The following RUFY3 variants were observed in gnomAD, a reference collection of about 807,000 sequenced individuals.
RUFY3 encodes RUN and FYVE domain containing 3, also known as protein RUFY3.
Under a neutral mutation model 84.0 loss-of-function variants are expected in RUFY3, and 34 were observed. The ratio of observed to expected loss-of-function variants is 0.40; its 90% CI spans 0.31 to 0.54. RUFY3 has a LOEUF of 0.54. Among genes scored for constraint, RUFY3 ranks in the 20% least tolerant of loss-of-function variants. The pLI is 0.39. For synonymous variants in RUFY3, 242 were observed against 252.9 expected (o/e 0.96, Z 0.41); for missense variants, 507 against 736.8 (o/e 0.69, Z 3.61).
chr4:70,733,930 CTT>C (rs1719867192), intron 1 of RUFY3, among the ~76,000 whole-genome samples: 1 of 152,038 alleles, frequency 6.6e-6, no homozygotes, highest in South Asian at 2.1e-4. Flanking sequence ...AAGGAAAAAT[CTT>C]TATGAAAATT....
chr4:70,732,168 TCA>T (rs1186444603), intron 1 of RUFY3, among the ~76,000 whole-genome samples: 1 of 152,248 alleles, frequency 6.6e-6, no homozygotes, highest in African/African-American at 2.4e-5. Flanking sequence ...CTAACAGATC[TCA>T]CACCTTTCAT....
intron 7 of RUFY3, among the ~76,000 whole-genome samples, chr4:70,777,718 G>A (rs139557058): frequency 3.7e-3 from 556 of 152,242 alleles, no homozygotes; most frequent in African/African-American, 0.013. Flanking sequence ...AACATAAAGG[G>A]TTGTTGAAAG....
chr4:70,744,358 T>TTATGTATGTATG (rs113177648), intron 1 of RUFY3, among the ~76,000 whole-genome samples: 290 of 150,738 alleles, frequency 1.9e-3, no homozygotes, highest in South Asian at 4.7e-3. Context: ...TGGCTAATTT[T>TTATGTATGTATG]TATGTATGTA....
chr4:70,778,939 C>T (rs1728443442), intron 8 of RUFY3, among the ~76,000 whole-genome samples: 1 of 152,116 alleles, frequency 6.6e-6, no homozygotes, highest in South Asian at 2.1e-4. Context: ...TCTCATTTAC[C>T]CAATTAGACT....
chr4:70,768,796 G>T lies in RUFY3; in HGVS notation c.696+135G>T. On this transcript the variant is annotated intron_variant, in intron 5 of 17. Coordinates refer to ENST00000381006, the MANE Select transcript of RUFY3 (RefSeq NM_001037442.4). ...AACAGGATTTCCTTCCATTTTGATG[G>T]GAATATAAAAAAAAGATTGTTTTTC... is the stretch of plus-strand genomic sequence containing the variant. The T allele has an allele frequency of 1.2e-5, 10 of 815,042 alleles. No homozygotes were observed. The South Asian group carries it at 1.3e-4, about 11-fold the overall frequency. The allele number at this position is 815,042 out of a possible 1,614,324, so 50.5% of individuals were successfully genotyped here. A position where few individuals can be genotyped will look rare whatever the true frequency, so the allele number is the denominator to read the frequency against.
chr4:70,792,313 T>A, intron 12 of RUFY3: 2 of 977,394 alleles, frequency 2.0e-6, no homozygotes, highest in Non-Finnish European at 2.4e-6. Flanking sequence ...TCTGGGAAGC[T>A]AATAATTGAA....
At chr4:70,803,136 A>C (rs1018432429) in intron 16 of RUFY3, 153 bp downstream of exon 16, 6 of 536,948 alleles carry the variant, frequency 1.1e-5, no homozygotes, top group Non-Finnish European at 2.0e-5. Flanking sequence ...TATTGCCTGA[A>C]GCTCACACAG....
At chr4:70,774,097 C>A (rs1727432405) in intron 6 of RUFY3, among the ~76,000 whole-genome samples, 1 of 152,042 alleles carries the variant, frequency 6.6e-6, no homozygotes, top group Admixed American at 6.6e-5. Flanking sequence ...CACATCTATT[C>A]TTTTTATAAA....
intron 12 of RUFY3, chr4:70,791,308 G>T (rs1022916946): frequency 1.9e-5 from 30 of 1,612,868 alleles, no homozygotes; most frequent in Non-Finnish European, 2.5e-5. Flanking sequence ...GCATTTTTAA[G>T]TTGGTCACGT....
At chr4:70,712,080 A>C (rs1741061312) in intron 1 of RUFY3, among the ~76,000 whole-genome samples, 1 of 152,174 alleles carries the variant, frequency 6.6e-6, no homozygotes, top group South Asian at 2.1e-4. Context: ...CTTTGTAGAC[A>C]GAGTTTTCTT....
intron 12 of RUFY3, chr4:70,793,062 T>C: frequency 1.0e-6 from 1 of 985,412 alleles, no homozygotes; most frequent in Non-Finnish European, 1.2e-6. Flanking sequence ...CATGCTTCTC[T>C]ATAGGTGCAA....
At chr4:70,791,132 T>G in intron 12 of RUFY3, 2 of 997,754 alleles carry the variant, frequency 2.0e-6, no homozygotes, top group Non-Finnish European at 3.1e-6. Context: ...TCTTTGAGTA[T>G]TAAGCTGACT....
chr4:70,775,663 G>A (rs992859869), intron 7 of RUFY3, among the ~76,000 whole-genome samples: 2 of 151,896 alleles, frequency 1.3e-5, no homozygotes, highest in African/African-American at 4.8e-5. Flanking sequence ...TAATCATATC[G>A]TCCAGGTGTG....
intron 1 of RUFY3, among the ~76,000 whole-genome samples, chr4:70,753,798 A>G (rs1456540579): frequency 1.3e-5 from 2 of 152,168 alleles, no homozygotes; most frequent in African/African-American, 2.4e-5. Context: ...ATATGTCATT[A>G]TGACTATTAT....
At position 70,722,428 on chromosome 4, in the gene RUFY3, T is replaced by A. The variant is rs1280241834; in HGVS notation, c.-146T>A. On this transcript the variant is annotated 5_prime_UTR_variant, in exon 1 of 18. Transcript: ENST00000381006. ...AGGTATTTTTCCTTTTTTTTTTTTTTAAACCTCCCCCACCCTTTTCCTGAA... is the reference window on the plus strand; with the variant it reads ...AGGTATTTTTCCTTTTTTTTTTTTTAAAACCTCCCCCACCCTTTTCCTGAA... The A allele has an allele frequency of 2.4e-5, 32 of 1,318,030 alleles. No individual in the cohort carries two copies. Among genetic ancestry groups the A allele is most frequent in the Middle Eastern group, 5.8e-4 (2 of 3,452 alleles). The allele number at this position is 1,318,030 out of a possible 1,614,324, so 81.6% of individuals were successfully genotyped here.
chr4:70,792,801 T>C (rs1413402500), intron 12 of RUFY3: 1 of 985,254 alleles, frequency 1.0e-6, no homozygotes, highest in Admixed American at 6.2e-5. Flanking sequence ...AAAGAACATA[T>C]GTTTAGACCA....
chr4:70,729,959 A>C (rs6446754), intron 1 of RUFY3, among the ~76,000 whole-genome samples: 12,448 of 125,704 alleles, frequency 0.099, 1,210 homozygotes, highest in African/African-American at 0.26. Context: ...TTTGAGATGG[A>C]GTCTCGCTCT....
At chr4:70,734,741 A>C (rs1720010151) in intron 1 of RUFY3, 1 of 185,604 alleles carries the variant, frequency 5.4e-6, no homozygotes, top group Admixed American at 6.5e-5. Flanking sequence ...CATACTCTGC[A>C]TAAAATCAGC....
At chr4:70,718,599 CTG>C (rs777947436), upstream of RUFY3, among the ~76,000 whole-genome samples, 4 of 152,036 alleles carry the variant, frequency 2.6e-5, no homozygotes, top group Non-Finnish European at 4.4e-5. Flanking sequence ...AGTAATTACT[CTG>C]TATGTGAGAA....
Sources: gnomAD v4.1 joint callset for allele counts (sites outside exome capture counted in the v4.1 genomes callset) on GRCh38, gnomAD v4.1.1 for gene constraint, MANE v1.5 for transcripts, NCBI Gene and HGNC (gene_info 2026-07-23, HGNC 2026-07-21) for gene names.